AGMO: variants seen among roughly 807,000 people sequenced by gnomAD.
The protein encoded by AGMO is glyceryl-ether monooxygenase.
In AGMO, 75 loss-of-function variants were observed where a neutral mutation model predicts 60.2. The observed-to-expected ratio is 1.25, with a 90% CI of 1.03 to 1.51. The LOEUF is 1.51. Ranked by LOEUF, AGMO falls within the 40% of genes most tolerant of loss-of-function variation. The probability of loss-of-function intolerance (pLI) is 0.00; values close to 1 mark genes in which losing one functional copy is unlikely to be tolerated. For missense variants in AGMO, 763 were observed against 525.5 expected, an observed-to-expected ratio of 1.45 and a Z score of -4.42; for synonymous variants, 261 against 177.1, an observed-to-expected ratio of 1.47 and a Z score of -3.76.
intron 10 of AGMO, among the ~76,000 whole-genome samples, chr7:15,383,448 C>T (rs1001822837): frequency 6.6e-6 from 1 of 151,978 alleles, no homozygotes; most frequent in Non-Finnish European, 1.5e-5. Context: ...TCCCACCTAA[C>T]ACTCCTGCCT....
chr7:15,431,457 A>T (rs1781237528), intron 3 of AGMO, among the ~76,000 whole-genome samples: 1 of 151,940 alleles, frequency 6.6e-6, no homozygotes, highest in Non-Finnish European at 1.5e-5. Context: ...GTGACAATAC[A>T]TTCAACGGAT....
intron 3 of AGMO, among the ~76,000 whole-genome samples, chr7:15,473,638 G>A (rs1175307083): frequency 1.3e-5 from 2 of 151,954 alleles, no homozygotes; most frequent in African/African-American, 4.8e-5. Context: ...AGCATTCTCT[G>A]TGAAAACCAG....
chr7:15,465,680 A>G (rs1325345807), intron 3 of AGMO, among the ~76,000 whole-genome samples: 2 of 150,880 alleles, frequency 1.3e-5, no homozygotes, highest in Non-Finnish European at 2.9e-5. Context: ...TCCTGGGCTC[A>G]AGCAATCGTC....
chr7:15,124,546 G>C, the AGMO span, among the ~76,000 whole-genome samples: 451 of 152,094 alleles, frequency 3.0e-3, 3 homozygotes, highest in South Asian at 0.016. Context: ...TAAATTTGCT[G>C]ACATATTCTC....
At chr7:15,384,819 T>C (rs550862141) in intron 10 of AGMO, among the ~76,000 whole-genome samples, 16 of 120,436 alleles carry the variant, frequency 1.3e-4, no homozygotes, top group African/African-American at 5.1e-4. Context: ...GTTTTTCTCT[T>C]TTTTTTTTTT....
chr7:15,214,495 A>G (rs1781680804), intron 12 of AGMO, among the ~76,000 whole-genome samples: 1 of 151,910 alleles, frequency 6.6e-6, no homozygotes, highest in South Asian at 2.1e-4. Context: ...CTTTATGACA[A>G]TTTTCTCACA....
At chr7:15,428,118 C>T (rs760952330) in intron 4 of AGMO, among the ~76,000 whole-genome samples, 2 of 150,064 alleles carry the variant, frequency 1.3e-5, no homozygotes, top group African/African-American at 2.4e-5. Flanking sequence ...GCTAAATTAT[C>T]GGCCTCATGT....
chr7:15,121,029 G>A, the AGMO span, among the ~76,000 whole-genome samples: 1 of 151,972 alleles, frequency 6.6e-6, no homozygotes, highest in Non-Finnish European at 1.5e-5. Flanking sequence ...GAGTCCATGT[G>A]TTCTCATTGT....
intron 3 of AGMO, among the ~76,000 whole-genome samples, chr7:15,433,450 A>G (rs1461941849): frequency 6.6e-6 from 1 of 152,094 alleles, no homozygotes; most frequent in Non-Finnish European, 1.5e-5. Context: ...AAAAAGAAGG[A>G]ATACTGAATT....
At chr7:15,529,342 G>A (rs1428110769) in intron 3 of AGMO, among the ~76,000 whole-genome samples, 3 of 150,216 alleles carry the variant, frequency 2.0e-5, no homozygotes, top group South Asian at 2.1e-4. Context: ...AAAAGAACTG[G>A]CATGTTGCTT....
At chr7:15,229,086 CTTTAGGTAAT>C (rs1306363799) in intron 12 of AGMO, among the ~76,000 whole-genome samples, 8 of 152,094 alleles carry the variant, frequency 5.3e-5, no homozygotes, top group Non-Finnish European at 1.2e-4. Flanking sequence ...GCTGCCTACA[CTTTAGGTAAT>C]GCTCCCTGCC....
At chr7:15,447,491 C>T (rs1781730919) in intron 3 of AGMO, among the ~76,000 whole-genome samples, 1 of 152,152 alleles carries the variant, frequency 6.6e-6, no homozygotes, top group Admixed American at 6.5e-5. Context: ...AGAAGCAAGA[C>T]ATTCAGAAGC....
chr7:15,177,920 T>C, the AGMO span, among the ~76,000 whole-genome samples: 4 of 152,162 alleles, frequency 2.6e-5, no homozygotes, highest in Non-Finnish European at 4.4e-5. Flanking sequence ...ACCATATGTC[T>C]CTCAATAAAA....
At chr7:15,128,144 G>A in the AGMO span, among the ~76,000 whole-genome samples, 2 of 152,088 alleles carry the variant, frequency 1.3e-5, no homozygotes, top group African/African-American at 4.8e-5. Flanking sequence ...TTTGCCTCTT[G>A]TTACTAGTGC....
chr7:15,529,469 G>C (rs114976975), intron 3 of AGMO, among the ~76,000 whole-genome samples: 1 of 140,916 alleles, frequency 7.1e-6, no homozygotes, highest in Non-Finnish European at 1.5e-5. Flanking sequence ...TTAAGCTCAG[G>C]TTCTACCCCC....
Position 15,270,747 on chromosome 7 carries a change from G to A in AGMO, c.1264-69388C>T, listed in dbSNP as rs192688028. Reference sequence around the variant, plus strand: ...AATTCTTTGCCTGGGTCAGTGTCCAGAAGAGTTTTTCCTAAGTTTTCTTCT... The same window carrying A: ...AATTCTTTGCCTGGGTCAGTGTCCAAAAGAGTTTTTCCTAAGTTTTCTTCT... On this transcript the variant is annotated intron_variant, in intron 12 of 12. Coordinates refer to ENST00000342526, the MANE Select transcript of AGMO (RefSeq NM_001004320.2). Among the ~76,000 whole-genome samples, 7 of 151,032 alleles carry A rather than the reference G, an allele frequency of 4.6e-5. No individual in the cohort carries two copies. The East Asian group carries it at 7.8e-4, about 17-fold the overall frequency.
At chr7:15,402,651 C>A (rs1467844146) in intron 5 of AGMO, among the ~76,000 whole-genome samples, 1 of 142,476 alleles carries the variant, frequency 7.0e-6, no homozygotes, top group South Asian at 2.1e-4. Flanking sequence ...TATATATTAA[C>A]CTTATTAAAT....
chr7:15,520,939 G>T (rs1783966927), intron 3 of AGMO, among the ~76,000 whole-genome samples: 1 of 151,970 alleles, frequency 6.6e-6, no homozygotes, highest in South Asian at 2.1e-4. Context: ...TAACAAAATA[G>T]ACTGGTAGCC....
Position 15,405,504 on chromosome 7 carries a change from C to G in AGMO, c.610-11325G>C, listed in dbSNP as rs78243121. Among the ~76,000 whole-genome samples, 412 of 151,990 alleles carry G rather than the reference C, an allele frequency of 2.7e-3. 17 individuals are homozygous for G. The East Asian group carries it at 0.064, about 24-fold the overall frequency. ...TTGGAAGGGAGCAATCATTCTGTAT[C>G]TTGATAAGCATTCACATTATTCTGA... On this transcript the variant is annotated intron_variant, in intron 5 of 12. Transcript: ENST00000342526.
Sources: gnomAD v4.1 joint callset for allele counts (sites outside exome capture counted in the v4.1 genomes callset) on GRCh38, gnomAD v4.1.1 for gene constraint, MANE v1.5 for transcripts, NCBI Gene and HGNC (gene_info 2026-07-23, HGNC 2026-07-21) for gene names.